TBC1D19: variants seen among roughly 807,000 people sequenced by gnomAD.
TBC1D19 encodes TBC1 domain family member 19, also known as TBC1 domain family, member 19.
In TBC1D19, 60 loss-of-function variants were observed where a neutral mutation model predicts 89.0. That is an observed-to-expected ratio of 0.67 (90% confidence interval 0.55 to 0.84). The LOEUF is 0.84. TBC1D19 is among the 40% of genes least tolerant of loss of function. The probability of loss-of-function intolerance (pLI) is 0.00; values close to 1 mark genes in which losing one functional copy is unlikely to be tolerated. For synonymous variants in TBC1D19, 189 were observed against 199.7 expected, an observed-to-expected ratio of 0.95 and a Z score of 0.45; for missense variants, 500 against 610.8, an observed-to-expected ratio of 0.82 and a Z score of 1.91.
In TBC1D19 at chr4:26,688,353, G is replaced by A. The variant is rs969683784; in HGVS notation, c.900G>A (p.Lys300=). The change falls in exon 13 of 21, where the codon AAG becomes AAA. Residue 300 remains lysine (K), a synonymous_variant. Coordinates refer to ENST00000264866, the MANE Select transcript of TBC1D19 (RefSeq NM_018317.4). ...TCTACTTTTAATTATAGGATGTGAAGTTGACAGCAAGCAATGATGATTATT... is the reference window on the plus strand; with the variant it reads ...TCTACTTTTAATTATAGGATGTGAAATTGACAGCAAGCAATGATGATTATT... ...LVDSLIYKDV[K]LTASNDDYYF... 19 of 1,570,538 alleles carry A rather than the reference G, an allele frequency of 1.2e-5. No individual in the cohort carries two copies. The African/African-American group carries it at 1.9e-4, about 16-fold the overall frequency.
rs565268404 is a variant in TBC1D19, at chr4:26,712,114, T to C, written c.955-5819T>C. ...AATACAAATGTTTCTTTAGGAATTG[T>C]TTTTCCTCTAGGCAATAGTAGAAAG... On this transcript the variant is annotated intron_variant, in intron 13 of 20. Coordinates refer to ENST00000264866, the MANE Select transcript of TBC1D19 (RefSeq NM_018317.4). Among the ~76,000 whole-genome samples, 32 of 152,240 alleles carry C rather than the reference T, an allele frequency of 2.1e-4. No individual in the cohort carries two copies. The South Asian group carries it at 6.4e-3, about 31-fold the overall frequency.
At chr4:26,738,071 G>C (rs975150318) in intron 16 of TBC1D19, among the ~76,000 whole-genome samples, 1 of 151,644 alleles carries the variant, frequency 6.6e-6, no homozygotes, top group Admixed American at 6.6e-5. Context: ...AATAGGAAAG[G>C]ATGCTTAAAA....
At chr4:26,724,055 T>A (rs556218447) in intron 15 of TBC1D19, among the ~76,000 whole-genome samples, 9 of 152,294 alleles carry the variant, frequency 5.9e-5, no homozygotes, top group African/African-American at 2.2e-4. Context: ...GAGTATGCTA[T>A]GCAATGAAAT....
At chr4:26,659,828 C>T (rs1054505018) in intron 8 of TBC1D19, 121 bp downstream of exon 8, 29 of 534,862 alleles carry the variant, frequency 5.4e-5, no homozygotes, top group Non-Finnish European at 6.8e-5. Context: ...AATAAAGTGA[C>T]GTTGATTCTT....
At chr4:26,667,837 T>G (rs543551710) in intron 9 of TBC1D19, among the ~76,000 whole-genome samples, 94 of 152,082 alleles carry the variant, frequency 6.2e-4, no homozygotes, top group Non-Finnish European at 1.2e-3. Context: ...CAGTTTACAC[T>G]TCCACCAACA....
chr4:26,668,966 T>C, intron 9 of TBC1D19, among the ~76,000 whole-genome samples: 1 of 139,730 alleles, frequency 7.2e-6, no homozygotes, highest in Non-Finnish European at 1.5e-5. Flanking sequence ...TGAACATGCA[T>C]TGCATTTATT....
chr4:26,811,959 C>T, the TBC1D19 span, among the ~76,000 whole-genome samples: 35 of 152,270 alleles, frequency 2.3e-4, no homozygotes, highest in Middle Eastern at 3.4e-3. Context: ...CCTGTGACTT[C>T]GAATGCCTTA....
intron 11 of TBC1D19, among the ~76,000 whole-genome samples, chr4:26,678,171 G>A (rs1713004515): frequency 6.6e-6 from 1 of 152,202 alleles, no homozygotes; most frequent in Non-Finnish European, 1.5e-5. Flanking sequence ...GGACAATGAA[G>A]TCCAGGCTGA....
intron 20 of TBC1D19, among the ~76,000 whole-genome samples, chr4:26,754,613 G>A (rs1719160129): frequency 6.6e-6 from 1 of 152,170 alleles, no homozygotes; most frequent in Non-Finnish European, 1.5e-5. Flanking sequence ...TGTTAAACCT[G>A]TTATAAACTC....
At chr4:26,624,126 A>C (rs1041265137) in intron 4 of TBC1D19, among the ~76,000 whole-genome samples, 1 of 152,082 alleles carries the variant, frequency 6.6e-6, no homozygotes, top group Admixed American at 6.5e-5. Context: ...TGCCTGTCCA[A>C]GTGAATCATT....
At chr4:26,783,566 T>TTA in the TBC1D19 span, among the ~76,000 whole-genome samples, 4 of 151,910 alleles carry the variant, frequency 2.6e-5, no homozygotes, top group African/African-American at 9.7e-5. Context: ...GCACATTTTT[T>TTA]AAAAAAAAGA....
chr4:26,613,187 G>A lies in TBC1D19; in HGVS notation c.118G>A (p.Glu40Lys). 6.4e-7 allele frequency: 1 copy of A among 1,573,606 alleles called. No individual in the cohort carries two copies. The highest frequency in any genetic ancestry group is 8.6e-7 in the Non-Finnish European group (1 of 1,156,760). Residue 40 changes from glutamate to lysine, a missense_variant, in exon 2 of 21, where the codon GAG (glutamate) becomes AAG (lysine). Physicochemically the swap from Glu to Lys is moderately conservative, Grantham distance 56. Around this residue, in one of 2 missense-constraint regions of TBC1D19, gnomAD observed 280 missense variants for 291.7 expected, o/e 0.96. Transcript: ENST00000264866. ...TTCTTAGGCCAGTCTTCAGAGACCT[G>A]AGATTAAACTTGAATCACTGAAAGA... ...RQAWASLQRP[E>K]IKLESLKEDI...
At chr4:26,797,238 A>G in the TBC1D19 span, among the ~76,000 whole-genome samples, 4 of 152,152 alleles carry the variant, frequency 2.6e-5, no homozygotes, top group African/African-American at 9.7e-5. Context: ...TATATCAATA[A>G]TATTCAAGCT....
At chr4:26,712,351 T>G (rs1716256403) in intron 13 of TBC1D19, among the ~76,000 whole-genome samples, 1 of 152,020 alleles carries the variant, frequency 6.6e-6, no homozygotes, top group Non-Finnish European at 1.5e-5. Flanking sequence ...TTGCCATTTA[T>G]AGAACCTAGA....
chr4:26,696,852 T>C (rs1234010216), intron 13 of TBC1D19, among the ~76,000 whole-genome samples: 5 of 152,132 alleles, frequency 3.3e-5, no homozygotes, highest in East Asian at 1.9e-4. Flanking sequence ...GGGACACATT[T>C]AAAGCAGTGT....
At chr4:26,821,739 G>A in the TBC1D19 span, among the ~76,000 whole-genome samples, 4 of 152,198 alleles carry the variant, frequency 2.6e-5, no homozygotes, top group East Asian at 1.9e-4. Context: ...AAGCCATGGC[G>A]GGGCTCACCG....
intron 7 of TBC1D19, among the ~76,000 whole-genome samples, chr4:26,656,292 A>G (rs1367353706): frequency 1.3e-5 from 2 of 152,062 alleles, no homozygotes; most frequent in African/African-American, 4.8e-5. Context: ...ACAATATATT[A>G]TGAACATTTT....
At chr4:26,611,590 A>C (rs1314577345) in intron 1 of TBC1D19, among the ~76,000 whole-genome samples, 24 of 152,146 alleles carry the variant, frequency 1.6e-4, no homozygotes, top group Non-Finnish European at 1.5e-5. Context: ...TCTCTTTTGC[A>C]ATGTGAGCAG....
chr4:26,685,574 A>G (rs976539441), intron 12 of TBC1D19, among the ~76,000 whole-genome samples: 32 of 152,216 alleles, frequency 2.1e-4, no homozygotes, highest in African/African-American at 7.7e-4. Flanking sequence ...TTAACATGTG[A>G]AGTAGTGAAG....
Sources: allele counts gnomAD v4.1 joint callset (sites outside exome capture counted in the v4.1 genomes callset), GRCh38; gene constraint gnomAD v4.1.1; regional missense constraint gnomAD v4.1.1; transcripts MANE v1.5; gene names NCBI Gene and HGNC (gene_info 2026-07-23, HGNC 2026-07-21).